USP35: variants seen among roughly 807,000 people sequenced by gnomAD.
USP35 encodes ubiquitin specific peptidase 35, also known as ubiquitin carboxyl-terminal hydrolase 35.
USP35 carries 69 observed loss-of-function variants against 83.8 expected under a neutral mutation model. The observed-to-expected ratio is 0.82, with a 90% CI of 0.68 to 1.01. USP35 has a LOEUF of 1.01. Among genes scored for constraint, USP35 ranks in the 50% least tolerant of loss-of-function variants. The pLI, the probability that USP35 is intolerant of heterozygous loss-of-function variation, is 0.00. For missense variants in USP35, 1,503 were observed against 1,362.5 expected, an observed-to-expected ratio of 1.10 and a Z score of -1.62; for synonymous variants, 714 against 589.5, an observed-to-expected ratio of 1.21 and a Z score of -3.06.
At chr11:78,229,256 G>A in the USP35 span, among the ~76,000 whole-genome samples, 6 of 151,206 alleles carry the variant, frequency 4.0e-5, no homozygotes, top group Non-Finnish European at 8.9e-5. Context: ...GGGAAATGGT[G>A]TTCTAGTTGA....
chr11:78,199,660 A>T lies in USP35; in HGVS notation c.872A>T (p.Lys291Met), dbSNP rs946287181. ...NIDKWIIALL[K>M]GLAAVKKFSI... ...GACAAGTGGATCATTGCACTGCTGAAGGGCCTGGCTGCTGTTAAGAAGTTC... is the reference window on the plus strand; with the variant it reads ...GACAAGTGGATCATTGCACTGCTGATGGGCCTGGCTGCTGTTAAGAAGTTC... Residue 291 changes from lysine (K) to methionine (M), a missense_variant, in exon 4 of 11, where the codon AAG (lysine) becomes ATG (methionine). Physicochemically the swap from Lys to Met is moderately conservative, Grantham distance 95. Transcript: ENST00000529308. 9.9e-6 allele frequency: 16 copies of T among 1,614,216 alleles called. No homozygotes were observed. The highest frequency in any genetic ancestry group is 1.3e-5 in the African/African-American group (1 of 75,052).
rs1275222810 is a variant in USP35, at chr11:78,214,234, A to AGAGAGGCGGGGG, written c.*422_*423insAGAGGCGGGGGG. 6 of 96,202 alleles carry AGAGAGGCGGGGG rather than the reference A, an allele frequency of 6.2e-5. No individual in the cohort carries two copies. The highest frequency in any genetic ancestry group is 2.5e-4 in the African/African-American group (5 of 19,656). 6.0% of individuals were successfully genotyped at this position (96,202 alleles called of 1,614,324 possible). A position where few individuals can be genotyped will look rare whatever the true frequency, so the allele number is the denominator to read the frequency against. ...ACAGCAGGATCCAAGCCTTGCACAA[A>AGAGAGGCGGGGG]GGGGTGGGGGGGGCAGTGTCTCCTC... On this transcript the variant is annotated 3_prime_UTR_variant, in exon 11 of 11. Transcript: ENST00000529308.
Position 78,197,940 on chromosome 11 carries a change from G to A in USP35, c.678G>A (p.Glu226=), listed in dbSNP as rs1863205795. ...CAGCCCTGTCCCCTGTTCCAGAGGA[G>A]GAGCCACCATCTAGCGCCCTGGCCA... is the stretch of plus-strand genomic sequence containing the variant. ...ELFAVISCAE[E]EPPSSALASV... Residue 226 remains glutamate (E), a synonymous_variant, in exon 3 of 11, where the codon GAG becomes GAA. Transcript: ENST00000529308. The A allele has an allele frequency of 6.2e-7, 1 of 1,614,082 alleles. No individual in the cohort carries two copies.
Position 78,213,979 on chromosome 11 carries a change from A to AAT in USP35, c.*166_*167insAT. 1.4e-6 allele frequency: 1 copy of AAT among 719,498 alleles called. No individual in the cohort carries two copies. Among genetic ancestry groups the AAT allele is most frequent in the Non-Finnish European group, 2.0e-6 (1 of 489,652 alleles). 44.6% of individuals were successfully genotyped at this position (719,498 alleles called of 1,614,324 possible). A position where few individuals can be genotyped will look rare whatever the true frequency, so the allele number is the denominator to read the frequency against. ...AGATTCTCTCAGATATGGAAGTAAG[A>AAT]CCTAAGTCCCTTTCATTGGGGATCA... On this transcript the variant is annotated 3_prime_UTR_variant, in exon 11 of 11. Coordinates refer to ENST00000529308, the MANE Select transcript of USP35 (RefSeq NM_020798.4).
the USP35 span, among the ~76,000 whole-genome samples, chr11:78,224,881 C>A: frequency 6.6e-6 from 1 of 152,012 alleles, no homozygotes; most frequent in Non-Finnish European, 1.5e-5. Context: ...GGTTGGTGAA[C>A]CTTGTAATCC....
In USP35 at chr11:78,214,920, C is replaced by T. The variant is rs993177085; in HGVS notation, c.*1107C>T. 4.6e-5 allele frequency among the ~76,000 whole-genome samples: 7 copies of T among 152,200 alleles called. No homozygotes were observed. Among genetic ancestry groups the T allele is most frequent in the African/African-American group, 1.4e-4 (6 of 41,514 alleles). The stretch of plus-strand genomic sequence containing the variant: ...TTACTGAGGGCTGGGTGATGCTGCC[C>T]GTGGAGAGGATGCACCTGGGAGGCA... On this transcript the variant is annotated 3_prime_UTR_variant, in exon 11 of 11. Transcript: ENST00000529308.
the USP35 span, among the ~76,000 whole-genome samples, chr11:78,227,436 T>C: frequency 6.6e-6 from 1 of 152,148 alleles, no homozygotes; most frequent in Non-Finnish European, 1.5e-5. Context: ...ATTTTACCTC[T>C]CTGAGTCTAT....
At chr11:78,198,170 CAG>C in intron 3 of USP35, 102 bp downstream of exon 3, 1 of 1,530,674 alleles carries the variant, frequency 6.5e-7, no homozygotes, top group Non-Finnish European at 8.9e-7. Flanking sequence ...GATTTGGAGT[CAG>C]AGGGCCCAGG....
At position 78,213,942 on chromosome 11, in the gene USP35, A is replaced by AAGG; in HGVS notation, c.*130_*132dup. 9.7e-7 allele frequency: 1 copy of AAGG among 1,027,182 alleles called. No individual in the cohort carries two copies. The allele number at this position is 1,027,182 out of a possible 1,614,324, so 63.6% of individuals were successfully genotyped here. A position where few individuals can be genotyped will look rare whatever the true frequency, so the allele number is the denominator to read the frequency against. On this transcript the variant is annotated 3_prime_UTR_variant, in exon 11 of 11. Transcript: ENST00000529308. Reference sequence around the variant, plus strand: ...TGGCACCTTAGTCCTCAGCCTGATGAAGGGTACACAGAGATTCTCTCAGAT... The same window carrying AAGG: ...TGGCACCTTAGTCCTCAGCCTGATGAAGGAGGGTACACAGAGATTCTCTCAGAT...
chr11:78,210,371 G>A lies in USP35; in HGVS notation c.2516G>A (p.Gly839Asp). 2 of 1,613,578 alleles carry A rather than the reference G, an allele frequency of 1.2e-6. No homozygotes were observed. The highest frequency in any genetic ancestry group is 1.7e-6 in the Non-Finnish European group (2 of 1,179,944). ...CTGCTGCTCCGCCTGCCACTGGCTGGTGGCCGTGGCCAGGCCTATGACCTC... is the reference window on the plus strand; with the variant it reads ...CTGCTGCTCCGCCTGCCACTGGCTGATGGCCGTGGCCAGGCCTATGACCTC... ...IPLLLRLPLA[G>D]GRGQAYDLCS... Residue 839 changes from glycine to aspartate, a missense_variant, in exon 10 of 11, where the codon GGT becomes GAT. Transcript: ENST00000529308.
downstream of USP35, chr11:78,216,422 G>A (rs1164899354): frequency 6.6e-6 from 1 of 152,216 alleles, no homozygotes; most frequent in Non-Finnish European, 1.5e-5. Flanking sequence ...TGACTCCTTT[G>A]TTGGAGGAGG....
At chr11:78,229,685 G>A in the USP35 span, among the ~76,000 whole-genome samples, 2 of 152,280 alleles carry the variant, frequency 1.3e-5, no homozygotes, top group South Asian at 4.2e-4. Context: ...TCAGGATTAA[G>A]CCCAAACTCC....
chr11:78,200,519 G>C, intron 5 of USP35, 131 bp from the exon 6 acceptor site: 1 of 1,348,736 alleles, frequency 7.4e-7, no homozygotes, highest in Non-Finnish European at 1.0e-6. Flanking sequence ...CCCCATCTGG[G>C]TCAGGGGACA....
rs1352924544 is a variant in USP35 at position 78,209,486 on chromosome 11, A to G, written c.1631A>G (p.Gln544Arg). 1 of 1,612,694 alleles carries G rather than the reference A, an allele frequency of 6.2e-7. No homozygotes were observed. Among genetic ancestry groups the G allele is most frequent in the Admixed American group, 1.7e-5 (1 of 59,938 alleles). The change falls in exon 10 of 11, where the codon CAG becomes CGG. Residue 544 changes from glutamine to arginine, a missense_variant. By Grantham distance (43) the Gln-to-Arg change is conservative. Coordinates refer to ENST00000529308, the MANE Select transcript of USP35 (RefSeq NM_020798.4). The part of the protein sequence containing the change: ...EEEKTGTRIC[Q>R]KLKQSSSPSP... ...GAGAAAACGGGCACAAGGATCTGCC[A>G]GAAACTCAAGCAGTCCAGCTCGCCC... is the stretch of plus-strand genomic sequence containing the variant.
chr11:78,236,155 C>A, the USP35 span, among the ~76,000 whole-genome samples: 1 of 152,302 alleles, frequency 6.6e-6, no homozygotes, highest in East Asian at 1.9e-4. Context: ...AGAGGTGTTG[C>A]ATGTTTGTTG....
chr11:78,215,141 T>TACAACAGACGCTGA lies in USP35; in HGVS notation c.*1329_*1342dup, dbSNP rs1864054615. Reference sequence around the variant, plus strand: ...GTAAATGCTAGTATGATTTCCACTTTACAACAGACGCTGAGGTAGAGAGCA... The same window carrying TACAACAGACGCTGA: ...GTAAATGCTAGTATGATTTCCACTTTACAACAGACGCTGAACAACAGACGCTGAGGTAGAGAGCA... On this transcript the variant is annotated 3_prime_UTR_variant, in exon 11 of 11. Transcript: ENST00000529308. 6.6e-6 allele frequency among the ~76,000 whole-genome samples: 1 copy of TACAACAGACGCTGA among 152,148 alleles called. No homozygotes were observed. The highest frequency in any genetic ancestry group is 1.5e-5 in the Non-Finnish European group (1 of 68,026).
chr11:78,196,157 C>G lies in USP35; in HGVS notation c.-10-79C>G. ...AAAGTTTGAGTTGCTTGCCCTAAGT[C>G]TCAGCACTCGGGGACTGCACCGGGA... On this transcript the variant is annotated intron_variant, in intron 1 of 10. Transcript: ENST00000529308. The surrounding 1 kb of genome is among the most constrained non-coding windows in gnomAD (Gnocchi z 4.8). 1 of 1,471,168 alleles carries G rather than the reference C, an allele frequency of 6.8e-7. No homozygotes were observed. The highest frequency in any genetic ancestry group is 8.9e-7 in the Non-Finnish European group (1 of 1,121,116). 91.1% of individuals were successfully genotyped at this position (1,471,168 alleles called of 1,614,324 possible). A position where few individuals can be genotyped will look rare whatever the true frequency, so the allele number is the denominator to read the frequency against.
the USP35 span, among the ~76,000 whole-genome samples, chr11:78,231,299 A>C: frequency 6.6e-6 from 1 of 151,480 alleles, no homozygotes; most frequent in Non-Finnish European, 1.5e-5. Flanking sequence ...TATTGCCACC[A>C]TACAGTCTCT....
chr11:78,200,843 C>G, intron 6 of USP35, 35 bp downstream of exon 6: 1 of 1,565,934 alleles, frequency 6.4e-7, no homozygotes, highest in South Asian at 1.2e-5. Flanking sequence ...CCTTGCCCCA[C>G]TCTGACAAAG....
Sources: gnomAD v4.1 joint callset for allele counts (sites outside exome capture counted in the v4.1 genomes callset) on GRCh38, gnomAD v4.1.1 for gene constraint, Gnocchi (gnomAD v3.1) non-coding constraint, MANE v1.5 for transcripts, NCBI Gene and HGNC (gene_info 2026-07-23, HGNC 2026-07-21) for gene names.